Variants in F5 observed in about 807,000 individuals in gnomAD.
The protein encoded by F5 is activated protein c cofactor.
Under a neutral mutation model 216.4 loss-of-function variants are expected in F5, and 138 were observed. The observed-to-expected ratio is 0.64, with a 90% CI of 0.56 to 0.73. F5 has a LOEUF of 0.73. Ranked by LOEUF, F5 falls within the 30% of genes least tolerant of loss-of-function variation. The probability of loss-of-function intolerance (pLI) is 0.00; values close to 1 mark genes in which losing one functional copy is unlikely to be tolerated. For synonymous variants in F5, 916 were observed against 930.7 expected, an observed-to-expected ratio of 0.98 and a Z score of 0.29; for missense variants, 2,403 against 2,674.0, an observed-to-expected ratio of 0.90 and a Z score of 2.24.
chr1:169,548,963 C>A (rs1335628584), intron 10 of F5, among the ~76,000 whole-genome samples: 2 of 151,818 alleles, frequency 1.3e-5, no homozygotes, highest in East Asian at 1.9e-4. Flanking sequence ...GCACACCTTT[C>A]AACATGAATG....
Position 169,559,282 on chromosome 1 carries a change from C to A in F5, c.601G>T (p.Gly201Cys), listed in dbSNP as rs1411400135. 2 of 1,613,568 alleles carry A rather than the reference C, an allele frequency of 1.2e-6. No homozygotes were observed. The highest frequency in any genetic ancestry group is 2.7e-5 in the African/African-American group (2 of 74,872). ...TTGTCAAACGTCTTCTGTGTCCCAC[C>A]CTCAGTTAGGGTCCCTATGAAAGGA... ...LICKKGTLTE[G>C]GTQKTFDKQI... Residue 201 changes from glycine (G) to cysteine (C), a missense_variant, in exon 5 of 25, where the codon GGT becomes TGT. Transcript: ENST00000367797.
In F5 at chr1:169,527,998, A is replaced by C; in HGVS notation, c.5516T>G (p.Ile1839Ser). 6.2e-7 allele frequency: 1 copy of C among 1,613,902 alleles called. No homozygotes were observed. Among genetic ancestry groups the C allele is most frequent in the Non-Finnish European group, 8.5e-7 (1 of 1,179,884 alleles). The change falls in exon 17 of 25, where the codon ATT becomes AGT. Residue 1839 changes from isoleucine (I) to serine (S), a missense_variant. By Grantham distance (142) the Ile-to-Ser change is moderately radical. Around this residue, in one of 4 missense-constraint regions of F5, gnomAD observed 659 missense variants for 787.9 expected, o/e 0.84. Transcript: ENST00000367797. ...HLLNIGGSQD[I>S]HVVHFHGQTL... ...CTGGCCGTGAAAGTGAACCACGTGA[A>C]TGTCTTGGGAGCCGCCTATGTTCAG...
chr1:169,572,313 A>G lies in F5; in HGVS notation c.281T>C (p.Val94Ala), dbSNP rs751093518. 1.0e-4 allele frequency: 163 copies of G among 1,613,220 alleles called. No homozygotes were observed. The highest frequency in any genetic ancestry group is 1.4e-4 in the Non-Finnish European group (161 of 1,179,630). The change falls in exon 3 of 25, where the codon GTC becomes GCC. Residue 94 changes from valine (V) to alanine (A), a missense_variant. Coordinates refer to ENST00000367797, the MANE Select transcript of F5 (RefSeq NM_000130.5). ...GLLGPTLYAE[V>A]GDIIKVHFKN... ...AAAGTGAACTTTTATGATGTCTCCG[A>G]CTTCAGCATATAAAGTAGGCCCAAG... is the stretch of plus-strand genomic sequence containing the variant.
Position 169,529,681 on chromosome 1 carries a change from C to T in F5, c.5346G>A (p.Trp1782Ter), listed in dbSNP as rs757157034. Reference sequence around the variant, plus strand: ...AACTTCGGGACTTCTTTTCATAGTACCAGCTCTTCTTTTCATCAAAGGTCA... The same window carrying T: ...AACTTCGGGACTTCTTTTCATAGTATCAGCTCTTCTTTTCATCAAAGGTCA... ...LFMTFDEKKSWYYEKKSRSSW... is the reference protein window; with the variant it reads ...LFMTFDEKKS Residue 1782 changes from tryptophan (W) to a stop codon, truncating the protein, a stop_gained, in exon 16 of 25, where the codon TGG (tryptophan) becomes TGA (stop). Coordinates refer to ENST00000367797, the MANE Select transcript of F5 (RefSeq NM_000130.5). LOFTEE classifies it high-confidence loss of function. The T allele has an allele frequency of 6.2e-7, 1 of 1,613,790 alleles. No individual in the cohort carries two copies. The highest frequency in any genetic ancestry group is 1.1e-5 in the South Asian group (1 of 91,068).
At chr1:169,572,625 C>T (rs981361378) in intron 2 of F5, among the ~76,000 whole-genome samples, 1 of 152,206 alleles carries the variant, frequency 6.6e-6, no homozygotes, top group Non-Finnish European at 1.5e-5. Flanking sequence ...CACTTTGACC[C>T]ACTGTCATTC....
At chr1:169,576,674 C>T (rs1660856784) in intron 2 of F5, among the ~76,000 whole-genome samples, 1 of 152,146 alleles carries the variant, frequency 6.6e-6, no homozygotes, top group Non-Finnish European at 1.5e-5. Context: ...TGACTGACCC[C>T]CCTCTTCCAG....
intron 2 of F5, among the ~76,000 whole-genome samples, chr1:169,575,873 A>G (rs1660834872): frequency 6.6e-6 from 1 of 152,090 alleles, no homozygotes; most frequent in African/African-American, 2.4e-5. Context: ...ATATGGCAAA[A>G]GGGACTGTGT....
At chr1:169,544,761 G>A (rs1298250661) in intron 11 of F5, among the ~76,000 whole-genome samples, 1 of 152,186 alleles carries the variant, frequency 6.6e-6, no homozygotes, top group Non-Finnish European at 1.5e-5. Context: ...CATTGATTTA[G>A]TCATTCATCA....
intron 2 of F5, among the ~76,000 whole-genome samples, chr1:169,573,333 TA>T (rs1660771933): frequency 6.6e-6 from 1 of 152,154 alleles, no homozygotes; most frequent in Non-Finnish European, 1.5e-5. Context: ...AAGTTCATCC[TA>T]AAACAAAAAG....
chr1:169,531,084 G>T, intron 14 of F5, 62 bp from the exon 15 acceptor site: 1 of 1,267,450 alleles, frequency 7.9e-7, no homozygotes, highest in Non-Finnish European at 1.1e-6. Flanking sequence ...CCACAAAAAT[G>T]TCAGCATTAT....
Position 169,572,348 on chromosome 1 carries a change from GA to G in F5, c.251-6del, listed in dbSNP as rs571335590. Reference sequence around the variant, plus strand: ...ATAAAGTAGGCCCAAGAAGTCCTGTGAAAACAAATATTTAAACTATGTCTGT... The same window carrying G: ...ATAAAGTAGGCCCAAGAAGTCCTGTGAAACAAATATTTAAACTATGTCTGT... On this transcript the variant is annotated splice_polypyrimidine_tract_variant and splice_region_variant and intron_variant, in intron 2 of 24. Transcript: ENST00000367797. 695 of 1,612,946 alleles carry G rather than the reference GA, an allele frequency of 4.3e-4. 4 individuals carry two copies. In the South Asian group the frequency reaches 6.0e-3, roughly 14 times the overall value.
intron 7 of F5, 101 bp downstream of exon 7, chr1:169,555,081 T>C: frequency 7.7e-7 from 1 of 1,298,884 alleles, no homozygotes; most frequent in Non-Finnish European, 1.1e-6. Context: ...AATACATGTG[T>C]CCCCTTGAGA....
At chr1:169,557,259 G>A (rs760470117) in intron 5 of F5, among the ~76,000 whole-genome samples, 2 of 152,146 alleles carry the variant, frequency 1.3e-5, no homozygotes, top group Admixed American at 1.3e-4. Flanking sequence ...ACGGCAAAAT[G>A]GAATGTTTGG....
chr1:169,571,107 A>G (rs1660712355), intron 3 of F5, among the ~76,000 whole-genome samples: 1 of 152,168 alleles, frequency 6.6e-6, no homozygotes, highest in Non-Finnish European at 1.5e-5. Context: ...TCATACCAAC[A>G]ACTATTATAA....
rs199734164 is a variant in F5, at chr1:169,542,167, G to A, written c.2923C>T (p.Pro975Ser). The stretch of plus-strand genomic sequence containing the variant: ...CCCCAAGCACGTGAGGCATTCTGGG[G>A]GCTGATCAGCCAATTGTTAACAGCT... ...DTAVNNWLIS[P>S]QNASRAWGES... Residue 975 changes from proline (P) to serine (S), a missense_variant, in exon 13 of 25, where the codon CCC becomes TCC. Pro to Ser is a moderately conservative substitution (Grantham distance 74). Transcript: ENST00000367797. The A allele has an allele frequency of 3.1e-6, 5 of 1,613,980 alleles. No homozygotes were observed. Among genetic ancestry groups the A allele is most frequent in the Non-Finnish European group, 4.2e-6 (5 of 1,179,976 alleles).
At chr1:169,586,134 A>C in intron 1 of F5, 95 bp downstream of exon 1, 3 of 1,462,560 alleles carry the variant, frequency 2.1e-6, no homozygotes, top group Non-Finnish European at 2.8e-6. Context: ...GAAGTTAAAA[A>C]AAAAAAAAGC....
chr1:169,530,813 A>G lies in F5; in HGVS notation c.5181T>C (p.Ala1727=). 6.2e-7 allele frequency: 1 copy of G among 1,613,932 alleles called. No homozygotes were observed. The highest frequency in any genetic ancestry group is 8.5e-7 in the Non-Finnish European group (1 of 1,179,818). ...GPESPGSACR[A]WAYYSAVNPE... is the part of the protein sequence containing the mutation. ...GGTTCACAGCTGAGTAGTAGGCCCAAGCCCGACAGGCAGAGCCAGGACTTT... is the reference window on the plus strand; with the variant it reads ...GGTTCACAGCTGAGTAGTAGGCCCAGGCCCGACAGGCAGAGCCAGGACTTT... Residue 1727 remains alanine (A), a synonymous_variant, in exon 15 of 25, where the codon GCT becomes GCC. Transcript: ENST00000367797.
At chr1:169,515,017 A>G (rs751382587) in intron 24 of F5, among the ~76,000 whole-genome samples, 2 of 152,188 alleles carry the variant, frequency 1.3e-5, no homozygotes, top group Non-Finnish European at 2.9e-5. Flanking sequence ...GTAAGTGCAT[A>G]GTAAGTGCCA....
chr1:169,572,159 T>C, intron 3 of F5, 62 bp downstream of exon 3: 1 of 1,532,292 alleles, frequency 6.5e-7, no homozygotes, highest in Non-Finnish European at 9.0e-7. Flanking sequence ...TTTTAAATGT[T>C]GATGCTGGTA....
Sources: allele counts gnomAD v4.1 joint callset (sites outside exome capture counted in the v4.1 genomes callset), GRCh38; gene constraint gnomAD v4.1.1; regional missense constraint gnomAD v4.1.1; transcripts MANE v1.5; gene names NCBI Gene and HGNC (gene_info 2026-07-23, HGNC 2026-07-21).